The following TMTC1 variants were observed in gnomAD, a reference collection of about 807,000 sequenced individuals.
TMTC1 encodes protein O-mannosyl-transferase TMTC1.
TMTC1 carries 73 observed loss-of-function variants against 104.8 expected under a neutral mutation model. The observed-to-expected ratio is 0.70, with a 90% CI of 0.58 to 0.85. The LOEUF (loss-of-function observed/expected upper bound fraction) is 0.85, where lower values mean the gene tolerates loss of function less well. Ranked by LOEUF, TMTC1 falls within the 40% of genes least tolerant of loss-of-function variation. The pLI is 0.00. For synonymous variants in TMTC1, 434 were observed against 428.7 expected, an observed-to-expected ratio of 1.01 and a Z score of -0.15; for missense variants, 1,035 against 1,096.1, an observed-to-expected ratio of 0.94 and a Z score of 0.79.
intron 6 of TMTC1, among the ~76,000 whole-genome samples, chr12:29,607,677 G>A (rs1946738574): frequency 6.6e-6 from 1 of 152,146 alleles, no homozygotes; most frequent in African/African-American, 2.4e-5. Flanking sequence ...ACGTGAGTGA[G>A]TGTTCAGGGT....
At chr12:29,762,845 G>A (rs16934870) in intron 2 of TMTC1, among the ~76,000 whole-genome samples, 15,297 of 152,244 alleles carry the variant, frequency 0.1, 935 homozygotes, top group East Asian at 0.19. Context: ...CTGTAAAGCC[G>A]AAGTGTATAC....
chr12:29,649,545 G>C (rs565544513), intron 5 of TMTC1, among the ~76,000 whole-genome samples: 2 of 152,228 alleles, frequency 1.3e-5, no homozygotes, highest in Non-Finnish European at 2.9e-5. Context: ...CACCCTTCTA[G>C]AGAAGAAAAT....
intron 5 of TMTC1, among the ~76,000 whole-genome samples, chr12:29,716,645 G>A (rs1188655631): frequency 6.6e-6 from 1 of 151,822 alleles, no homozygotes; most frequent in Non-Finnish European, 1.5e-5. Flanking sequence ...ACATAAAATT[G>A]TATAAAATTA....
chr12:29,726,116 A>T (rs1942383195), intron 5 of TMTC1, among the ~76,000 whole-genome samples: 1 of 152,148 alleles, frequency 6.6e-6, no homozygotes, highest in African/African-American at 2.4e-5. Flanking sequence ...TTCATCTAGC[A>T]TTGCTCTGGG....
chr12:29,683,479 A>G (rs536034837), intron 5 of TMTC1, among the ~76,000 whole-genome samples: 9 of 152,230 alleles, frequency 5.9e-5, no homozygotes, highest in Non-Finnish European at 1.2e-4. Flanking sequence ...GAACTAAATT[A>G]TACTCATCAA....
At chr12:29,572,736 C>T (rs145720706) in intron 8 of TMTC1, among the ~76,000 whole-genome samples, 21 of 152,322 alleles carry the variant, frequency 1.4e-4, no homozygotes, top group South Asian at 2.1e-4. Context: ...TAATTACAAA[C>T]GCTTTTCCTT....
At chr12:29,631,050 T>C (rs555421767) in intron 6 of TMTC1, among the ~76,000 whole-genome samples, 238 of 152,318 alleles carry the variant, frequency 1.6e-3, no homozygotes, top group Non-Finnish European at 2.4e-3. Context: ...ATTAAAAACT[T>C]TGCATATCTT....
chr12:29,739,124 T>C (rs1322271485), intron 5 of TMTC1, among the ~76,000 whole-genome samples: 2 of 152,208 alleles, frequency 1.3e-5, no homozygotes, highest in African/African-American at 4.8e-5. Flanking sequence ...TACATAGGAA[T>C]CTAATTCAGA....
intron 7 of TMTC1, among the ~76,000 whole-genome samples, chr12:29,590,975 G>A (rs1386684402): frequency 6.6e-6 from 1 of 152,132 alleles, no homozygotes; most frequent in Non-Finnish European, 1.5e-5. Flanking sequence ...ACAATAGTTT[G>A]TGGATCCCTG....
At chr12:29,650,786 G>C (rs963421458) in intron 5 of TMTC1, among the ~76,000 whole-genome samples, 6 of 152,186 alleles carry the variant, frequency 3.9e-5, no homozygotes, top group Non-Finnish European at 1.5e-5. Context: ...ATGGAGATCT[G>C]CAAGGGCCCA....
rs146128257 is a variant in TMTC1, at chr12:29,604,242, G to C, written c.1186C>G (p.Pro396Ala). The C allele has an allele frequency of 1.2e-6, 2 of 1,613,986 alleles. No homozygotes were observed. The highest frequency in any genetic ancestry group is 8.5e-7 in the Non-Finnish European group (1 of 1,179,914). Residue 396 changes from proline to alanine, a missense_variant, in exon 7 of 18, where the codon CCA becomes GCA. Physicochemically the swap from Pro to Ala is conservative, Grantham distance 27. Coordinates refer to ENST00000539277, the MANE Select transcript of TMTC1 (RefSeq NM_001193451.2). ...ACCCTGAAGAAGAGGTTGCTGGCTG[G>C]AATGAACGGGAACACCAGGAACAAC... The part of the protein sequence containing the change: ...GLLFLVFPFI[P>A]ASNLFFRVGF...
intron 6 of TMTC1, among the ~76,000 whole-genome samples, chr12:29,626,330 A>G (rs1200629394): frequency 2.0e-5 from 3 of 152,174 alleles, no homozygotes; most frequent in African/African-American, 7.2e-5. Flanking sequence ...TAAAAGGGAG[A>G]TAAAGAAAGG....
intron 6 of TMTC1, among the ~76,000 whole-genome samples, chr12:29,628,590 T>C: frequency 6.6e-6 from 1 of 152,220 alleles, no homozygotes; most frequent in East Asian, 1.9e-4. Context: ...TAAAGCCTGC[T>C]ACTTGGAGGC....
chr12:29,554,087 T>C (rs1945175752), intron 10 of TMTC1, among the ~76,000 whole-genome samples: 1 of 152,216 alleles, frequency 6.6e-6, no homozygotes, highest in Non-Finnish European at 1.5e-5. Context: ...CAGTACGTTA[T>C]TTGGGCTCTT....
intron 4 of TMTC1, 65 bp from the exon 5 acceptor site, chr12:29,751,937 A>G (rs1039542405): frequency 5.0e-6 from 7 of 1,412,646 alleles, no homozygotes; most frequent in Non-Finnish European, 6.6e-6. Context: ...AACAACCGAT[A>G]GCAGTAAACT....
chr12:29,664,942 T>C (rs1419490759), intron 5 of TMTC1, among the ~76,000 whole-genome samples: 1 of 151,994 alleles, frequency 6.6e-6, no homozygotes, highest in East Asian at 1.9e-4. Flanking sequence ...GAACTAAGGG[T>C]CCAGGGTTCT....
chr12:29,671,178 C>T (rs1200077257), intron 5 of TMTC1, among the ~76,000 whole-genome samples: 1 of 150,928 alleles, frequency 6.6e-6, no homozygotes, highest in African/African-American at 2.4e-5. Flanking sequence ...TGCCTGTAAT[C>T]CCAGCTACTT....
intron 10 of TMTC1, among the ~76,000 whole-genome samples, chr12:29,543,252 T>C (rs1047881994): frequency 6.6e-6 from 1 of 152,230 alleles, no homozygotes; most frequent in Non-Finnish European, 1.5e-5. Context: ...CATGGCTCCA[T>C]GTCAGTGACA....
intron 11 of TMTC1, among the ~76,000 whole-genome samples, chr12:29,525,158 CTTTTTTTTTTTTTTTTTTTTTT>C (rs56395403): frequency 2.6e-4 from 12 of 46,158 alleles, no homozygotes; most frequent in South Asian, 1.0e-3. Context: ...CAAGGGCAGT[CTTTTTTTTTTTTTTTTTTTTTT>C]TTTTTTTTTT....
Sources: gnomAD v4.1 joint callset for allele counts (sites outside exome capture counted in the v4.1 genomes callset) on GRCh38, gnomAD v4.1.1 for gene constraint, MANE v1.5 for transcripts, NCBI Gene and HGNC (gene_info 2026-07-23, HGNC 2026-07-21) for gene names.